The following TOX2 variants were observed in gnomAD, a reference collection of about 807,000 sequenced individuals.
The protein encoded by TOX2 is TOX high mobility group box family member 2.
TOX2 carries 15 observed loss-of-function variants against 47.4 expected under a neutral mutation model. That is an observed-to-expected ratio of 0.32 (90% CI 0.21 to 0.49). The LOEUF is 0.49. TOX2 is among the 20% of genes least tolerant of loss of function. The pLI, the probability that TOX2 is intolerant of heterozygous loss-of-function variation, is 0.99. For missense variants in TOX2, 622 were observed against 673.1 expected, an observed-to-expected ratio of 0.92 and a Z score of 0.84; for synonymous variants, 290 against 296.6, an observed-to-expected ratio of 0.98 and a Z score of 0.23.
chr20:44,061,033 T>C (rs2071709085), intron 5 of TOX2, among the ~76,000 whole-genome samples: 1 of 151,846 alleles, frequency 6.6e-6, no homozygotes, highest in Non-Finnish European at 1.5e-5. Context: ...AGAGAGAAGA[T>C]CCAAATAAGC....
intron 4 of TOX2, among the ~76,000 whole-genome samples, chr20:44,052,171 G>A (rs6031328): frequency 6.6e-6 from 1 of 152,046 alleles, no homozygotes; most frequent in African/African-American, 2.4e-5. Flanking sequence ...AAAAATGACC[G>A]CCCCACTGGG....
At chr20:43,973,571 G>A (rs1038993275) in intron 2 of TOX2, 139 bp downstream of exon 2, 16 of 700,218 alleles carry the variant, frequency 2.3e-5, no homozygotes, top group South Asian at 5.2e-5. Context: ...ATCAAGAATA[G>A]CAATAGTCTC....
chr20:43,966,915 C>T lies in TOX2; in HGVS notation c.100-6452C>T, dbSNP rs57265073. 9.2e-3 allele frequency among the ~76,000 whole-genome samples: 1,391 copies of T among 151,310 alleles called. 20 individuals carry two copies. Among genetic ancestry groups the T allele is most frequent in the African/African-American group, 0.032 (1,300 of 41,142 alleles). The stretch of plus-strand genomic sequence containing the variant: ...AGGAGTGAAGCGATTGCCCAAATAT[C>T]GCTAGTGATAGCCAAGGTGTACGAT... On this transcript the variant is annotated intron_variant, in intron 1 of 8. Transcript: ENST00000341197.
intron 2 of TOX2, among the ~76,000 whole-genome samples, chr20:43,977,887 T>C (rs995199761): frequency 2.0e-5 from 3 of 151,614 alleles, no homozygotes; most frequent in Non-Finnish European, 2.9e-5. Context: ...CCAGAAAGAG[T>C]CTCCTCCTTC....
At chr20:43,917,060 G>T in intron 1 of TOX2, among the ~76,000 whole-genome samples, 1 of 152,272 alleles carries the variant, frequency 6.6e-6, no homozygotes, top group African/African-American at 2.4e-5. Context: ...GTGGGGCGGG[G>T]CAGGGATGGG....
At position 43,973,363 on chromosome 20, in the gene TOX2, C is replaced by A. The variant is rs1387544552; in HGVS notation, c.100-4C>A. 3 of 1,613,976 alleles carry A rather than the reference C, an allele frequency of 1.9e-6. No homozygotes were observed. Among genetic ancestry groups the A allele is most frequent in the African/African-American group, 2.7e-5 (2 of 74,924 alleles). ...AGCTGCTTCTCCCTCTCTCTCTATTCTAGTTTGATGGTGACAGTGCCTACG... is the reference window on the plus strand; with the variant it reads ...AGCTGCTTCTCCCTCTCTCTCTATTATAGTTTGATGGTGACAGTGCCTACG... On this transcript the variant is annotated splice_polypyrimidine_tract_variant and splice_region_variant and intron_variant, in intron 1 of 8. Transcript: ENST00000341197.
intron 5 of TOX2, among the ~76,000 whole-genome samples, chr20:44,060,437 A>G (rs1268808760): frequency 6.6e-6 from 1 of 152,134 alleles, no homozygotes; most frequent in Admixed American, 6.5e-5. Context: ...CTACCCAACA[A>G]CTGCAGAATA....
chr20:44,020,159 G>A (rs1271018669), intron 3 of TOX2, among the ~76,000 whole-genome samples: 1 of 152,212 alleles, frequency 6.6e-6, no homozygotes, highest in Admixed American at 6.5e-5. Context: ...GCGCTAGAGG[G>A]AGGTCTGCCT....
At chr20:44,035,157 T>A (rs1399503339) in intron 3 of TOX2, among the ~76,000 whole-genome samples, 1 of 152,212 alleles carries the variant, frequency 6.6e-6, no homozygotes, top group Non-Finnish European at 1.5e-5. Flanking sequence ...CTCAACTGCC[T>A]CATCCATGTG....
intron 1 of TOX2, among the ~76,000 whole-genome samples, chr20:43,942,829 T>C (rs903671835): frequency 6.6e-6 from 1 of 152,074 alleles, no homozygotes; most frequent in African/African-American, 2.4e-5. Context: ...GGAAGCTGAG[T>C]CATCTCTCTT....
At chr20:43,931,298 C>T (rs1212345628) in intron 1 of TOX2, among the ~76,000 whole-genome samples, 2 of 152,170 alleles carry the variant, frequency 1.3e-5, no homozygotes, top group Non-Finnish European at 2.9e-5. Flanking sequence ...GCCACCACAC[C>T]TGATAATTTT....
intron 1 of TOX2, among the ~76,000 whole-genome samples, chr20:43,963,487 C>G (rs528825617): frequency 1.8e-4 from 27 of 152,224 alleles, no homozygotes; most frequent in African/African-American, 6.5e-4. Context: ...GGCTTGGAGG[C>G]AGTGGGGGTG....
intron 3 of TOX2, among the ~76,000 whole-genome samples, chr20:44,036,450 C>T (rs1330373074): frequency 6.6e-6 from 1 of 152,258 alleles, no homozygotes. Flanking sequence ...GCCTCAGTTT[C>T]CTCATCTGTA....
chr20:43,916,290 G>A lies in TOX2; in HGVS notation c.99+1300G>A. 1 of 944,960 alleles carries A rather than the reference G, an allele frequency of 1.1e-6. No homozygotes were observed. Among genetic ancestry groups the A allele is most frequent in the Non-Finnish European group, 1.3e-6 (1 of 793,036 alleles). The allele number at this position is 944,960 out of a possible 1,614,324, so 58.5% of individuals were successfully genotyped here. A position where few individuals can be genotyped will look rare whatever the true frequency, so the allele number is the denominator to read the frequency against. The stretch of plus-strand genomic sequence containing the variant: ...CAGGCTTTTCGTCAGGCCCCTGGTA[G>A]TGGGGATGAGGCAGGAGAGAGGCGT... On this transcript the variant is annotated intron_variant, in intron 1 of 8. Transcript: ENST00000341197. The surrounding 1 kb of genome is among the most constrained non-coding windows in gnomAD (Gnocchi z 5.0).
chr20:44,058,411 C>T (rs1369316076), intron 5 of TOX2, among the ~76,000 whole-genome samples: 1 of 152,186 alleles, frequency 6.6e-6, no homozygotes, highest in Non-Finnish European at 1.5e-5. Flanking sequence ...CCACCTAACC[C>T]TGCCCCTACC....
intron 2 of TOX2, among the ~76,000 whole-genome samples, chr20:43,979,739 AAAG>A (rs1005300962): frequency 2.0e-5 from 3 of 152,234 alleles, no homozygotes; most frequent in African/African-American, 7.2e-5. Flanking sequence ...ACATTTCTTA[AAAG>A]AAGACCTGCA....
intron 1 of TOX2, among the ~76,000 whole-genome samples, chr20:43,937,019 T>C (rs2069334940): frequency 6.6e-6 from 1 of 152,096 alleles, no homozygotes; most frequent in Non-Finnish European, 1.5e-5. Context: ...TGGCCTCTAG[T>C]CTAGCCAGTG....
intron 1 of TOX2, among the ~76,000 whole-genome samples, chr20:43,968,324 A>G (rs1214297423): frequency 1.3e-5 from 2 of 152,248 alleles, no homozygotes; most frequent in Non-Finnish European, 1.5e-5. Flanking sequence ...GGCTTAAAGC[A>G]GTTAAGCAAT....
At position 44,058,260 on chromosome 20, in the gene TOX2, G is replaced by C. The variant is rs868516833; in HGVS notation, c.879+3734G>C. 3.3e-5 allele frequency among the ~76,000 whole-genome samples: 5 copies of C among 152,176 alleles called. No individual in the cohort carries two copies. The South Asian group carries it at 1.0e-3, about 32-fold the overall frequency. On this transcript the variant is annotated intron_variant, in intron 5 of 8. Coordinates refer to ENST00000341197, the MANE Select transcript of TOX2 (RefSeq NM_001098797.2). Reference sequence around the variant, plus strand: ...TCACTAGCTGCCTGGAAATAAACTCGGTGCTGTTGGGGGTGCATGGTGGGA... The same window carrying C: ...TCACTAGCTGCCTGGAAATAAACTCCGTGCTGTTGGGGGTGCATGGTGGGA...
Sources: gnomAD v4.1 joint callset for allele counts (sites outside exome capture counted in the v4.1 genomes callset) on GRCh38, gnomAD v4.1.1 for gene constraint, Gnocchi (gnomAD v3.1) non-coding constraint, MANE v1.5 for transcripts, NCBI Gene and HGNC (gene_info 2026-07-23, HGNC 2026-07-21) for gene names.